The following CTSL variants were observed in gnomAD, a reference collection of about 807,000 sequenced individuals.
The protein encoded by CTSL is cathepsin L.
In CTSL, 23 loss-of-function variants were observed where a neutral mutation model predicts 34.7. The observed-to-expected ratio is 0.66, with a 90% CI of 0.48 to 0.94. CTSL has a LOEUF of 0.94. Among genes scored for constraint, CTSL ranks in the 40% least tolerant of loss-of-function variants. CTSL has a pLI of 0.00. For missense variants in CTSL, 361 were observed against 406.3 expected (o/e 0.89, Z 0.96); for synonymous variants, 129 against 136.7 (o/e 0.94, Z 0.39).
At position 87,729,575 on chromosome 9, in the gene CTSL, A is replaced by G; in HGVS notation, c.624A>G (p.Glu208=). Residue 208 remains glutamate (E), a splice_region_variant and synonymous_variant, in exon 6 of 8, where the codon GAA becomes GAG. Transcript: ENST00000343150. ...TTTTTTCCCTTTACCTTTGAAAGGA[A>G]GAATCCTGTAAGTACAATCCCAAGT... ...SEESYPYEAT[E]ESCKYNPKYS... is the part of the protein sequence containing the mutation. 1 of 1,612,958 alleles carries G rather than the reference A, an allele frequency of 6.2e-7. No homozygotes were observed. Among genetic ancestry groups the G allele is most frequent in the Non-Finnish European group, 8.5e-7 (1 of 1,179,774 alleles).
intron 1 of CTSL, among the ~76,000 whole-genome samples, chr9:87,726,771 G>A (rs1826014029): frequency 6.6e-6 from 1 of 152,122 alleles, no homozygotes; most frequent in African/African-American, 2.4e-5. Flanking sequence ...GGGGCGGCGC[G>A]GTGGCTCACT....
In CTSL at chr9:87,731,217, G is replaced by C; in HGVS notation, c.*110G>C. ...GTGTCGGATACACACTCGAATCATTGAAGATCCGAGTGTGATTTGAATTCT... is the reference window on the plus strand; with the variant it reads ...GTGTCGGATACACACTCGAATCATTCAAGATCCGAGTGTGATTTGAATTCT... On this transcript the variant is annotated 3_prime_UTR_variant, in exon 8 of 8. Coordinates refer to ENST00000343150, the MANE Select transcript of CTSL (RefSeq NM_001912.5). 4 of 660,216 alleles carry C rather than the reference G, an allele frequency of 6.1e-6. No individual in the cohort carries two copies. Among genetic ancestry groups the C allele is most frequent in the Non-Finnish European group, 7.8e-6 (3 of 385,396 alleles). 40.9% of individuals were successfully genotyped at this position (660,216 alleles called of 1,614,324 possible).
At chr9:87,726,937 G>A (rs778793004) in intron 1 of CTSL, among the ~76,000 whole-genome samples, 30 of 152,198 alleles carry the variant, frequency 2.0e-4, no homozygotes, top group Middle Eastern at 3.4e-3. Context: ...AGCTATTCAA[G>A]AGGCTGAGGA....
At chr9:87,729,935 T>C (rs1364978245) in intron 6 of CTSL, among the ~76,000 whole-genome samples, 200 bp downstream of exon 6, 3 of 152,360 alleles carry the variant, frequency 2.0e-5, no homozygotes, top group Middle Eastern at 6.8e-3. Context: ...TGAATATAAG[T>C]ACTTCATAAC....
At position 87,730,333 on chromosome 9, in the gene CTSL, A is replaced by G. The variant is rs376589644; in HGVS notation, c.785-48A>G. On this transcript the variant is annotated intron_variant, in intron 6 of 7. Coordinates refer to ENST00000343150, the MANE Select transcript of CTSL (RefSeq NM_001912.5). ...GTGGGTGACAGGATGGGTTACTGTC[A>G]TGTGTCCTCTGGAGCTTCTCACCCC... 11 of 1,310,972 alleles carry G rather than the reference A, an allele frequency of 8.4e-6. No individual in the cohort carries two copies. The African/African-American group carries it at 1.6e-4, about 19-fold the overall frequency. 81.2% of individuals were successfully genotyped at this position (1,310,972 alleles called of 1,614,324 possible). A position where few individuals can be genotyped will look rare whatever the true frequency, so the allele number is the denominator to read the frequency against.
Position 87,731,315 on chromosome 9 carries a change from A to G in CTSL, c.*208A>G. ...ATAAATAGGTTTATATTATTGATTC[A>G]CTTACTGACTTTGCATTTTCGTTTT... is the stretch of plus-strand genomic sequence containing the variant. On this transcript the variant is annotated 3_prime_UTR_variant, in exon 8 of 8. Coordinates refer to ENST00000343150, the MANE Select transcript of CTSL (RefSeq NM_001912.5). 1 of 389,102 alleles carries G rather than the reference A, an allele frequency of 2.6e-6. No homozygotes were observed. 24.1% of individuals were successfully genotyped at this position (389,102 alleles called of 1,614,324 possible).
chr9:87,726,876 C>G (rs1826021036), intron 1 of CTSL, among the ~76,000 whole-genome samples: 1 of 151,990 alleles, frequency 6.6e-6, no homozygotes, highest in Non-Finnish European at 1.5e-5. Context: ...AACCCCGTCT[C>G]TACTGAAAAT....
intron 2 of CTSL, 129 bp from the exon 3 acceptor site, chr9:87,727,895 ACAG>A: frequency 7.0e-7 from 1 of 1,436,452 alleles, no homozygotes; most frequent in Non-Finnish European, 9.6e-7. Context: ...AGTTTGGAGA[ACAG>A]CATCCCCAGA....
At chr9:87,726,598 T>G (rs1826003059) in intron 1 of CTSL, among the ~76,000 whole-genome samples, 200 bp downstream of exon 1, 1 of 152,214 alleles carries the variant, frequency 6.6e-6, no homozygotes, top group African/African-American at 2.4e-5. Flanking sequence ...TGCAGGGCGC[T>G]GGCTTCCCGC....
chr9:87,730,557 CAG>C, intron 7 of CTSL, 59 bp downstream of exon 7: 1 of 1,250,232 alleles, frequency 8.0e-7, no homozygotes, highest in East Asian at 2.4e-5. Context: ...TATTTGCAAA[CAG>C]TGTTTGGATA....
chr9:87,728,332 T>C lies in CTSL; in HGVS notation c.332T>C (p.Phe111Ser). 3.1e-6 allele frequency: 5 copies of C among 1,614,104 alleles called. No individual in the cohort carries two copies. Among genetic ancestry groups the C allele is most frequent in the Non-Finnish European group, 4.2e-6 (5 of 1,180,016 alleles). ...GGGAAAGTGTTCCAGGAACCTCTGT[T>C]TTATGAGGCCCCCAGATCTGTGGAT... ...RKGKVFQEPLFYEAPRSVDWR... is the reference protein window; with the variant it reads ...RKGKVFQEPLSYEAPRSVDWR... Residue 111 changes from phenylalanine to serine, a missense_variant, in exon 4 of 8, where the codon TTT (phenylalanine) becomes TCT (serine). By Grantham distance (155) the Phe-to-Ser change is radical. Coordinates refer to ENST00000343150, the MANE Select transcript of CTSL (RefSeq NM_001912.5).
At chr9:87,729,757 G>T (rs1297066931) in intron 6 of CTSL, 22 bp downstream of exon 6, 1 of 1,583,002 alleles carries the variant, frequency 6.3e-7, no homozygotes, top group Non-Finnish European at 8.6e-7. Context: ...TTTCTTTGTA[G>T]AAATTGATGC....
chr9:87,728,013 A>G lies in CTSL; in HGVS notation c.127-14A>G, dbSNP rs1826092706. 1.2e-6 allele frequency: 2 copies of G among 1,612,992 alleles called. No individual in the cohort carries two copies. Among genetic ancestry groups the G allele is most frequent in the South Asian group, 1.1e-5 (1 of 91,080 alleles). On this transcript the variant is annotated splice_polypyrimidine_tract_variant and intron_variant, in intron 2 of 7. Transcript: ENST00000343150. ...GGTAGAAGTAAAGAGCATCAGTTAC[A>G]TGTTTGCCTCTAGAATGAAGAAGGA...
Position 87,729,554 on chromosome 9 carries a change from T to C in CTSL, c.622-19T>C, listed in dbSNP as rs1278669472. On this transcript the variant is annotated intron_variant, in intron 5 of 7. Coordinates refer to ENST00000343150, the MANE Select transcript of CTSL (RefSeq NM_001912.5). Reference sequence around the variant, plus strand: ...GGACAGCAGTAATCAAGTCTTTTTTTTCCCTTTACCTTTGAAAGGAAGAAT... The same window carrying C: ...GGACAGCAGTAATCAAGTCTTTTTTCTCCCTTTACCTTTGAAAGGAAGAAT... The C allele has an allele frequency of 1.9e-6, 3 of 1,610,566 alleles. No individual in the cohort carries two copies. The highest frequency in any genetic ancestry group is 2.2e-5 in the East Asian group (1 of 44,836).
At chr9:87,727,883 TCA>T in intron 2 of CTSL, 142 bp from the exon 3 acceptor site, 2 of 1,416,100 alleles carry the variant, frequency 1.4e-6, no homozygotes, top group Non-Finnish European at 2.0e-6. Context: ...TTGTTGTGTC[TCA>T]GTTTGGAGAA....
In CTSL at chr9:87,726,151, C is replaced by G. The variant is rs41312184; in HGVS notation, c.-258C>G. ...CGACCTCCGCAACCTTGAGCGGCAT[C>G]CGTGGAGTGCGCCTGCGCAGCTACG... On this transcript the variant is annotated 5_prime_UTR_variant, in exon 1 of 8. In the 5' UTR this introduces an upstream ATG that the reference lacks. Transcript: ENST00000343150. 6.6e-6 allele frequency: 1 copy of G among 152,382 alleles called. No homozygotes were observed. The highest frequency in any genetic ancestry group is 2.4e-5 in the African/African-American group (1 of 41,460). 9.4% of individuals were successfully genotyped at this position (152,382 alleles called of 1,614,324 possible).
intron 3 of CTSL, 24 bp downstream of exon 3, chr9:87,728,173 G>T (rs1587869517): frequency 1.2e-6 from 2 of 1,614,248 alleles, no homozygotes; most frequent in Non-Finnish European, 1.7e-6. Context: ...GGACTGCCGA[G>T]CTCTGTGCTT....
intron 5 of CTSL, among the ~76,000 whole-genome samples, chr9:87,729,346 T>A (rs1052888443): frequency 6.6e-6 from 1 of 152,194 alleles, no homozygotes; most frequent in Non-Finnish European, 1.5e-5. Flanking sequence ...CATTTCTCTA[T>A]TGTGAAAAAT....
chr9:87,726,185 A>C lies in CTSL; in HGVS notation c.-224A>C, dbSNP rs1378331379. On this transcript the variant is annotated 5_prime_UTR_variant, in exon 1 of 8. Transcript: ENST00000343150. ...GCGCCTGCGCAGCTACGACCGCAGC[A>C]GGAAAGCGCCGCCGGCCAGGCCCAG... 4 of 152,396 alleles carry C rather than the reference A, an allele frequency of 2.6e-5. No individual in the cohort carries two copies. Among genetic ancestry groups the C allele is most frequent in the African/African-American group, 7.2e-5 (3 of 41,472 alleles). The allele number at this position is 152,396 out of a possible 1,614,324, so 9.4% of individuals were successfully genotyped here.
Sources: gnomAD v4.1 joint callset for allele counts (sites outside exome capture counted in the v4.1 genomes callset) on GRCh38, gnomAD v4.1.1 for gene constraint, MANE v1.5 for transcripts, NCBI Gene and HGNC (gene_info 2026-07-23, HGNC 2026-07-21) for gene names.